The following FBXL7 variants were observed in gnomAD, a reference collection of about 807,000 sequenced individuals.
The protein encoded by FBXL7 is F-box/LRR-repeat protein 7.
FBXL7 carries 12 observed loss-of-function variants against 38.3 expected under a neutral mutation model. The observed-to-expected ratio is 0.31, with a 90% confidence interval of 0.20 to 0.51. FBXL7 has a LOEUF of 0.51. FBXL7 is among the 20% of genes least tolerant of loss of function. The pLI, the probability that FBXL7 is intolerant of heterozygous loss-of-function variation, is 0.98. For missense variants in FBXL7, 567 were observed against 676.4 expected (o/e 0.84, Z 1.79); for synonymous variants, 297 against 300.9 (o/e 0.99, Z 0.13).
intron 2 of FBXL7, among the ~76,000 whole-genome samples, chr5:15,921,338 A>C (rs1741735583): frequency 6.7e-6 from 1 of 148,196 alleles, no homozygotes; most frequent in African/African-American, 2.5e-5. Context: ...CTGAGATGGC[A>C]CCATTGCACT....
chr5:15,715,818 C>T (rs368941072), intron 2 of FBXL7, among the ~76,000 whole-genome samples: 2 of 152,156 alleles, frequency 1.3e-5, no homozygotes, highest in East Asian at 1.9e-4. Flanking sequence ...ACTTGCCCAC[C>T]GAACTAGAAA....
chr5:15,624,250 G>A (rs985825804), intron 2 of FBXL7, among the ~76,000 whole-genome samples: 8 of 152,182 alleles, frequency 5.3e-5, no homozygotes, highest in Admixed American at 3.3e-4. Flanking sequence ...ATATGGCAAT[G>A]TTGAGTGGTG....
At chr5:15,890,538 G>T (rs1383114632) in intron 2 of FBXL7, among the ~76,000 whole-genome samples, 1 of 152,176 alleles carries the variant, frequency 6.6e-6, no homozygotes, top group Non-Finnish European at 1.5e-5. Context: ...ACCGTGCCCG[G>T]CTGGCTTTCG....
chr5:15,730,156 A>C (rs957493511), intron 2 of FBXL7, among the ~76,000 whole-genome samples: 1 of 150,920 alleles, frequency 6.6e-6, no homozygotes, highest in Non-Finnish European at 1.5e-5. Context: ...AAGGATAATA[A>C]ATTTTACAGA....
chr5:15,564,412 GTGTA>G (rs1410026531), intron 1 of FBXL7, among the ~76,000 whole-genome samples: 118 of 147,620 alleles, frequency 8.0e-4, no homozygotes, highest in African/African-American at 2.9e-3. Flanking sequence ...GTGTGTGTGT[GTGTA>G]TGTGTATACA....
intron 1 of FBXL7, among the ~76,000 whole-genome samples, chr5:15,526,755 A>T (rs891346242): frequency 4.6e-5 from 7 of 152,216 alleles, no homozygotes; most frequent in African/African-American, 1.7e-4. Flanking sequence ...CCTCATAATC[A>T]TTAAACCTGG....
chr5:15,777,800 C>T (rs1384712604), intron 2 of FBXL7, among the ~76,000 whole-genome samples: 2 of 146,580 alleles, frequency 1.4e-5, no homozygotes, highest in Non-Finnish European at 3.0e-5. Flanking sequence ...GAATGGTACT[C>T]ATTTGAGCAA....
intron 1 of FBXL7, among the ~76,000 whole-genome samples, chr5:15,612,869 C>A (rs1352384115): frequency 1.3e-5 from 2 of 152,176 alleles, no homozygotes; most frequent in Non-Finnish European, 2.9e-5. Context: ...TTGGCTTTAG[C>A]AGTGAGTACT....
intron 2 of FBXL7, among the ~76,000 whole-genome samples, chr5:15,735,017 C>T (rs1018921507): frequency 3.3e-5 from 5 of 152,276 alleles, no homozygotes; most frequent in African/African-American, 1.2e-4. Context: ...CTGCAACCTC[C>T]GTCTCCTGGG....
chr5:15,648,262 T>C (rs1314760811), intron 2 of FBXL7, among the ~76,000 whole-genome samples: 1 of 152,230 alleles, frequency 6.6e-6, no homozygotes, highest in South Asian at 2.1e-4. Context: ...ATATGGTGTC[T>C]TCTTAAACCT....
chr5:15,535,262 G>A lies in FBXL7; in HGVS notation c.37+34549G>A, dbSNP rs369660275. On this transcript the variant is annotated intron_variant, in intron 1 of 3. Transcript: ENST00000504595. ...TACAGAAAATTGTTACAAGGAATGG[G>A]GTACTGCTATAAAGATAACCTGAAA... Among the ~76,000 whole-genome samples, 8 of 152,286 alleles carry A rather than the reference G, an allele frequency of 5.3e-5. No homozygotes were observed. The South Asian group carries it at 1.7e-3, about 32-fold the overall frequency.
At chr5:15,784,038 G>A (rs1243542240) in intron 2 of FBXL7, among the ~76,000 whole-genome samples, 1 of 152,170 alleles carries the variant, frequency 6.6e-6, no homozygotes, top group Non-Finnish European at 1.5e-5. Context: ...TTGGTGATGT[G>A]GCAGTGACTG....
rs190537269 is a variant in FBXL7 at position 15,912,922 on chromosome 5, A to G, written c.128-14968A>G. Among the ~76,000 whole-genome samples the G allele has an allele frequency of 2.6e-5, 4 of 152,320 alleles. No individual in the cohort carries two copies. In the East Asian group the frequency reaches 7.7e-4, roughly 29 times the overall value. Reference sequence around the variant, plus strand: ...CATGCGAAATGTATCCCAGGTCAATATAAGGTGACCTTTAGAATCAGAGCC... The same window carrying G: ...CATGCGAAATGTATCCCAGGTCAATGTAAGGTGACCTTTAGAATCAGAGCC... On this transcript the variant is annotated intron_variant, in intron 2 of 3. Coordinates refer to ENST00000504595, the MANE Select transcript of FBXL7 (RefSeq NM_012304.5).
chr5:15,726,497 A>G (rs1744359711), intron 2 of FBXL7, among the ~76,000 whole-genome samples: 1 of 152,106 alleles, frequency 6.6e-6, no homozygotes, highest in Admixed American at 6.5e-5. Context: ...GTTCGAGACC[A>G]GCCTGGCCAA....
intron 2 of FBXL7, among the ~76,000 whole-genome samples, chr5:15,867,772 A>C (rs1739777231): frequency 6.6e-6 from 1 of 152,206 alleles, no homozygotes; most frequent in Non-Finnish European, 1.5e-5. Context: ...AAAGATTCAA[A>C]GTGTTAGAGG....
intron 2 of FBXL7, among the ~76,000 whole-genome samples, chr5:15,781,167 T>G (rs1335636544): frequency 6.6e-6 from 1 of 152,174 alleles, no homozygotes; most frequent in Non-Finnish European, 1.5e-5. Flanking sequence ...AAATTGGAAC[T>G]TAGAGTTTAC....
intron 2 of FBXL7, among the ~76,000 whole-genome samples, chr5:15,620,803 G>T (rs1740613691): frequency 1.3e-5 from 2 of 152,308 alleles, no homozygotes; most frequent in East Asian, 1.9e-4. Context: ...GAAAGTTCTG[G>T]AAGAATTGTG....
At chr5:15,929,573 A>T (rs1436129981) in intron 3 of FBXL7, among the ~76,000 whole-genome samples, 2 of 149,988 alleles carry the variant, frequency 1.3e-5, no homozygotes, top group Non-Finnish European at 3.0e-5. Flanking sequence ...GCAGTGAACT[A>T]TGATCATACC....
intron 2 of FBXL7, among the ~76,000 whole-genome samples, chr5:15,662,458 G>T (rs1742119115): frequency 6.6e-6 from 1 of 152,110 alleles, no homozygotes; most frequent in South Asian, 2.1e-4. Context: ...TAGGTTGTCT[G>T]TTTACTCTGT....
Sources: gnomAD v4.1 joint callset for allele counts (sites outside exome capture counted in the v4.1 genomes callset) on GRCh38, gnomAD v4.1.1 for gene constraint, MANE v1.5 for transcripts, NCBI Gene and HGNC (gene_info 2026-07-23, HGNC 2026-07-21) for gene names.